The following ADAMTSL1 variants were observed in gnomAD, a reference collection of about 807,000 sequenced individuals.
ADAMTSL1 encodes ADAMTS-like protein 1.
ADAMTSL1 carries 126 observed loss-of-function variants against 201.8 expected under a neutral mutation model. The observed-to-expected ratio is 0.62, with a 90% CI of 0.54 to 0.72. The LOEUF is 0.72. Ranked by LOEUF, ADAMTSL1 falls within the 30% of genes least tolerant of loss-of-function variation. ADAMTSL1 has a pLI of 0.00. For synonymous variants in ADAMTSL1, 1,121 were observed against 903.4 expected, an observed-to-expected ratio of 1.24 and a Z score of -4.32; for missense variants, 2,679 against 2,277.8, an observed-to-expected ratio of 1.18 and a Z score of -3.59.
At chr9:18,887,775 C>T in intron 23 of ADAMTSL1, 56 bp from the exon 24 acceptor site, 2 of 1,474,378 alleles carry the variant, frequency 1.4e-6, no homozygotes, top group African/African-American at 1.4e-5. Flanking sequence ...ACCAGTGCAC[C>T]AGCAATGTGT....
At chr9:18,046,406 G>GAA (rs957552201) in intron 1 of ADAMTSL1, among the ~76,000 whole-genome samples, 15 of 152,110 alleles carry the variant, frequency 9.9e-5, no homozygotes, top group African/African-American at 3.1e-4. Flanking sequence ...TCAGCAGGAA[G>GAA]AAAAGTAAAG....
chr9:18,113,386 C>T (rs1825113630), intron 1 of ADAMTSL1, among the ~76,000 whole-genome samples: 1 of 151,970 alleles, frequency 6.6e-6, no homozygotes. Flanking sequence ...CTGGAGACAG[C>T]AAGATAAGTT....
chr9:18,887,263 C>G (rs1389257558), intron 23 of ADAMTSL1, among the ~76,000 whole-genome samples: 5 of 152,134 alleles, frequency 3.3e-5, no homozygotes, highest in African/African-American at 1.2e-4. Context: ...TAATATTGTA[C>G]ATGTCCAGTG....
intron 15 of ADAMTSL1, chr9:18,723,206 G>A (rs532680980): frequency 1.9e-5 from 13 of 680,412 alleles, no homozygotes; most frequent in African/African-American, 3.6e-5. Context: ...TTGCTCACAT[G>A]TCCCATGATT....
intron 2 of ADAMTSL1, among the ~76,000 whole-genome samples, chr9:18,432,530 A>G (rs762166142): frequency 5.9e-5 from 9 of 152,186 alleles, no homozygotes; most frequent in Non-Finnish European, 1.0e-4. Context: ...TGTAGCTTAC[A>G]TTATTCTATC....
intron 6 of ADAMTSL1, among the ~76,000 whole-genome samples, chr9:18,636,263 G>C (rs1425113969): frequency 6.6e-6 from 1 of 152,028 alleles, no homozygotes; most frequent in Non-Finnish European, 1.5e-5. Flanking sequence ...GTTGTTCATG[G>C]GTTAAGCACA....
At chr9:18,698,791 T>C (rs972699500) in intron 13 of ADAMTSL1, among the ~76,000 whole-genome samples, 1 of 152,182 alleles carries the variant, frequency 6.6e-6, no homozygotes, top group African/African-American at 2.4e-5. Context: ...GAGGATTAGA[T>C]TTGTTAAGAA....
At chr9:17,968,154 G>C (rs774943483) in intron 1 of ADAMTSL1, among the ~76,000 whole-genome samples, 1 of 152,092 alleles carries the variant, frequency 6.6e-6, no homozygotes, top group African/African-American at 2.4e-5. Context: ...GAAGACCTTA[G>C]TGTGTACTGC....
At chr9:18,780,446 T>C (rs989045380) in intron 19 of ADAMTSL1, among the ~76,000 whole-genome samples, 1 of 152,206 alleles carries the variant, frequency 6.6e-6, no homozygotes, top group Non-Finnish European at 1.5e-5. Context: ...TCACAAGAGT[T>C]TGAGAAGGGC....
At chr9:18,665,041 G>C (rs752555639) in intron 9 of ADAMTSL1, among the ~76,000 whole-genome samples, 1 of 151,976 alleles carries the variant, frequency 6.6e-6, no homozygotes, top group African/African-American at 2.4e-5. Context: ...TACTACCGAA[G>C]TAAATGCTTT....
chr9:18,165,982 G>A (rs1231108897), intron 2 of ADAMTSL1, among the ~76,000 whole-genome samples: 1 of 151,884 alleles, frequency 6.6e-6, no homozygotes, highest in African/African-American at 2.4e-5. Flanking sequence ...CTTATTGGGA[G>A]GAGGCTCTTC....
chr9:17,997,849 T>C (rs1184097319), intron 1 of ADAMTSL1, among the ~76,000 whole-genome samples: 1 of 152,072 alleles, frequency 6.6e-6, no homozygotes, highest in Non-Finnish European at 1.5e-5. Flanking sequence ...CTTACTGATC[T>C]CTTGTCTTCA....
chr9:18,775,949 C>T, intron 18 of ADAMTSL1, 53 bp downstream of exon 18: 1 of 1,554,384 alleles, frequency 6.4e-7, no homozygotes. Flanking sequence ...ACAGCAGCAG[C>T]TATAGCCACC....
intron 2 of ADAMTSL1, among the ~76,000 whole-genome samples, chr9:18,254,632 G>C (rs1190511382): frequency 2.0e-5 from 3 of 151,362 alleles, no homozygotes; most frequent in Non-Finnish European, 4.4e-5. Flanking sequence ...CAAAGTGCTG[G>C]GATTACAGGC....
At chr9:17,916,552 A>G (rs1054061628) in intron 1 of ADAMTSL1, among the ~76,000 whole-genome samples, 1 of 152,096 alleles carries the variant, frequency 6.6e-6, no homozygotes, top group Non-Finnish European at 1.5e-5. Context: ...TTGTTTTTGC[A>G]TGACTTTTTG....
chr9:18,186,757 ATCT>A (rs1364639449), intron 2 of ADAMTSL1, among the ~76,000 whole-genome samples: 1 of 151,786 alleles, frequency 6.6e-6, no homozygotes, highest in Non-Finnish European at 1.5e-5. Context: ...CAGTCACTTG[ATCT>A]TCTTGGTCAT....
intron 16 of ADAMTSL1, among the ~76,000 whole-genome samples, chr9:18,769,693 A>G (rs548538260): frequency 9.3e-4 from 142 of 152,268 alleles, no homozygotes; most frequent in African/African-American, 3.2e-3. Context: ...ATGCCACACC[A>G]TCTTTTTGGG....
At chr9:17,913,200 A>G (rs1825959615) in intron 1 of ADAMTSL1, among the ~76,000 whole-genome samples, 1 of 152,102 alleles carries the variant, frequency 6.6e-6, no homozygotes, top group Non-Finnish European at 1.5e-5. Context: ...GTTCCATATG[A>G]ACTTTAAAGT....
At chr9:18,637,870 G>A (rs1827198839) in intron 6 of ADAMTSL1, among the ~76,000 whole-genome samples, 2 of 152,100 alleles carry the variant, frequency 1.3e-5, no homozygotes, top group African/African-American at 4.8e-5. Context: ...AAGGACAGCT[G>A]TAAGCCTCTT....
Sources: allele counts gnomAD v4.1 joint callset (sites outside exome capture counted in the v4.1 genomes callset), GRCh38; gene constraint gnomAD v4.1.1; transcripts MANE v1.5; gene names NCBI Gene and HGNC (gene_info 2026-07-23, HGNC 2026-07-21).